The following MYO5A variants were observed in gnomAD, a reference collection of about 807,000 sequenced individuals.
The protein encoded by MYO5A is myosin VA.
Under a neutral mutation model 249.7 loss-of-function variants are expected in MYO5A, and 98 were observed. The observed-to-expected ratio is 0.39, with a 90% CI of 0.33 to 0.46. The LOEUF (loss-of-function observed/expected upper bound fraction) is 0.46, where lower values mean the gene tolerates loss of function less well. Ranked by LOEUF, MYO5A falls within the 20% of genes least tolerant of loss-of-function variation. The pLI is 0.98. For synonymous variants in MYO5A, 778 were observed against 810.6 expected (o/e 0.96, Z 0.68); for missense variants, 1,696 against 2,308.8 (o/e 0.73, Z 5.44).
intron 31 of MYO5A, among the ~76,000 whole-genome samples, chr15:52,342,213 G>A (rs111958566): frequency 0.097 from 14,810 of 152,086 alleles, 2,236 homozygotes; most frequent in African/African-American, 0.33. Context: ...AAAATTAGCT[G>A]AGTGTGGTGG....
At chr15:52,478,229 T>A (rs2076640276) in intron 1 of MYO5A, among the ~76,000 whole-genome samples, 1 of 152,230 alleles carries the variant, frequency 6.6e-6, no homozygotes, top group South Asian at 2.1e-4. Context: ...GGATATAATC[T>A]CGTGGTGTGC....
intron 1 of MYO5A, 33 bp downstream of exon 1, chr15:52,528,747 C>G: frequency 2.0e-6 from 3 of 1,501,950 alleles, no homozygotes; most frequent in Non-Finnish European, 2.6e-6. Context: ...CCGCACAGCC[C>G]CAGTCCTCGA....
At chr15:52,471,620 C>CACACACACACACACACA (rs71130163) in intron 1 of MYO5A, among the ~76,000 whole-genome samples, 1 of 148,276 alleles carries the variant, frequency 6.7e-6, no homozygotes, top group African/African-American at 2.5e-5. Flanking sequence ...CACACACACA[C>CACACACACACACACACA]CCCAAACAAA....
chr15:52,316,233 C>CAAAAAAAAAAAAAAAAA (rs5812596), intron 40 of MYO5A, among the ~76,000 whole-genome samples: 1 of 60,348 alleles, frequency 1.7e-5, no homozygotes, highest in Non-Finnish European at 2.9e-5. Flanking sequence ...GACTCCGTCA[C>CAAAAAAAAAAAAAAAAA]AAAAAAAAAA....
chr15:52,477,595 GA>G (rs1035301826), intron 1 of MYO5A, among the ~76,000 whole-genome samples: 24 of 152,072 alleles, frequency 1.6e-4, no homozygotes, highest in Non-Finnish European at 2.2e-4. Flanking sequence ...TTTTGGTGTG[GA>G]TGTCCTTTCT....
At chr15:52,499,838 GGT>G (rs1233715338) in intron 1 of MYO5A, among the ~76,000 whole-genome samples, 1 of 151,964 alleles carries the variant, frequency 6.6e-6, no homozygotes, top group Non-Finnish European at 1.5e-5. Context: ...AATTCTTTTG[GGT>G]ATATTCCCAG....
chr15:52,409,144 A>G (rs2043137114), intron 6 of MYO5A, among the ~76,000 whole-genome samples: 1 of 152,150 alleles, frequency 6.6e-6, no homozygotes, highest in Admixed American at 6.5e-5. Flanking sequence ...CAGTGTCTCT[A>G]AACAAGACAA....
At chr15:52,382,802 C>T (rs1256975340) in intron 16 of MYO5A, among the ~76,000 whole-genome samples, 3 of 152,064 alleles carry the variant, frequency 2.0e-5, no homozygotes, top group Non-Finnish European at 4.4e-5. Context: ...AACAAAAATC[C>T]CAGAGAGATC....
At chr15:52,361,173 A>G (rs1386492130) in intron 24 of MYO5A, among the ~76,000 whole-genome samples, 2 of 152,192 alleles carry the variant, frequency 1.3e-5, no homozygotes, top group Non-Finnish European at 2.9e-5. Flanking sequence ...TGGGGTGCAC[A>G]CTAAAGGGGA....
intron 31 of MYO5A, among the ~76,000 whole-genome samples, chr15:52,341,710 C>G (rs2039391153): frequency 6.8e-6 from 1 of 147,068 alleles, no homozygotes; most frequent in Non-Finnish European, 1.5e-5. Flanking sequence ...AGCAATAACA[C>G]CCCAAAGTTA....
At chr15:52,460,505 G>C (rs137874251) in intron 1 of MYO5A, among the ~76,000 whole-genome samples, 22,432 of 152,224 alleles carry the variant, frequency 0.15, 1,783 homozygotes, top group Middle Eastern at 0.22. Context: ...AACCAGTCAG[G>C]TGTGGCGGCG....
intron 36 of MYO5A, among the ~76,000 whole-genome samples, chr15:52,327,424 GT>G (rs2038661390): frequency 6.6e-6 from 1 of 152,174 alleles, no homozygotes; most frequent in Non-Finnish European, 1.5e-5. Context: ...TCAAGACTGA[GT>G]GGCTGGGTGC....
intron 28 of MYO5A, among the ~76,000 whole-genome samples, chr15:52,350,851 T>G (rs1418608745): frequency 6.6e-6 from 1 of 152,250 alleles, no homozygotes; most frequent in East Asian, 1.9e-4. Flanking sequence ...TCTAACCGGT[T>G]CATCTGTTAC....
intron 27 of MYO5A, among the ~76,000 whole-genome samples, chr15:52,353,095 A>C (rs935237534): frequency 2.0e-5 from 3 of 152,216 alleles, no homozygotes; most frequent in African/African-American, 7.2e-5. Flanking sequence ...TGATTCAATA[A>C]GTCTAGTAGT....
intron 1 of MYO5A, among the ~76,000 whole-genome samples, chr15:52,476,447 G>A (rs2076594976): frequency 6.6e-6 from 1 of 152,128 alleles, no homozygotes; most frequent in African/African-American, 2.4e-5. Context: ...GATGTTAGCT[G>A]GTTATTTTGC....
At chr15:52,426,126 T>C in intron 3 of MYO5A, 152 bp from the exon 4 acceptor site, 1 of 739,870 alleles carries the variant, frequency 1.4e-6, no homozygotes, top group Non-Finnish European at 2.2e-6. Flanking sequence ...GATCAAAATG[T>C]ATCATAGCCT....
chr15:52,332,268 A>T (rs1596303122), intron 34 of MYO5A, among the ~76,000 whole-genome samples: 1 of 152,218 alleles, frequency 6.6e-6, no homozygotes, highest in Non-Finnish European at 1.5e-5. Flanking sequence ...TGATTTATCA[A>T]ATCTATGATG....
intron 5 of MYO5A, among the ~76,000 whole-genome samples, chr15:52,410,956 G>A (rs1345901249): frequency 6.6e-6 from 1 of 152,170 alleles, no homozygotes; most frequent in Non-Finnish European, 1.5e-5. Context: ...CAGTCACACA[G>A]ATATATACTA....
intron 1 of MYO5A, among the ~76,000 whole-genome samples, chr15:52,528,459 G>C (rs781736207): frequency 6.6e-6 from 1 of 152,208 alleles, no homozygotes; most frequent in Non-Finnish European, 1.5e-5. Flanking sequence ...CAAGCAGGAG[G>C]GGAGGCACGC....
Sources: allele counts gnomAD v4.1 joint callset (sites outside exome capture counted in the v4.1 genomes callset), GRCh38; gene constraint gnomAD v4.1.1; transcripts MANE v1.5; gene names NCBI Gene and HGNC (gene_info 2026-07-23, HGNC 2026-07-21).